Variants in FAM169A observed in about 807,000 individuals in gnomAD.
FAM169A encodes soluble lamin-associated protein of 75 kDa.
In FAM169A, 24 loss-of-function variants were observed where a neutral mutation model predicts 75.7. The observed-to-expected ratio is 0.32, with a 90% CI of 0.23 to 0.45. The LOEUF is 0.45. FAM169A is among the 20% of genes least tolerant of loss of function. The pLI is 1.00. For synonymous variants in FAM169A, 271 were observed against 271.0 expected (o/e 1.00, Z 0.00); for missense variants, 673 against 784.0 (o/e 0.86, Z 1.69).
chr5:74,841,590 A>T lies in FAM169A; in HGVS notation c.87T>A (p.Cys29Ter). ...SAEDYMSDLR[C>*]GDPENPECFS... ...AACACTCTGGATTTTCAGGGTCCCC[A>T]CACCTTAAATCTGACATGTAATCTT... The change falls in exon 2 of 13, where the codon TGT becomes TGA. Residue 29 changes from cysteine (C) to a stop codon, truncating the protein, a stop_gained. Transcript: ENST00000687041. LOFTEE classifies it high-confidence loss of function. 1.2e-6 allele frequency: 2 copies of T among 1,613,372 alleles called. No homozygotes were observed. Among genetic ancestry groups the T allele is most frequent in the Non-Finnish European group, 1.7e-6 (2 of 1,179,490 alleles).
chr5:74,847,549 G>C (rs559361058), intron 1 of FAM169A, among the ~76,000 whole-genome samples: 62 of 152,108 alleles, frequency 4.1e-4, no homozygotes, highest in South Asian at 8.3e-4. Context: ...AAAATATTAA[G>C]ACCTATGAAA....
chr5:74,856,372 G>A (rs1749705822), intron 1 of FAM169A, among the ~76,000 whole-genome samples: 1 of 151,890 alleles, frequency 6.6e-6, no homozygotes, highest in South Asian at 2.1e-4. Context: ...ATTGCTTTAG[G>A]TAATATGAAC....
intron 6 of FAM169A, among the ~76,000 whole-genome samples, chr5:74,807,623 T>C (rs1006348565): frequency 1.3e-5 from 2 of 152,320 alleles, no homozygotes; most frequent in African/African-American, 2.4e-5. Flanking sequence ...TAAACTAGGA[T>C]GACCGGACAC....
At chr5:74,785,643 T>G (rs1230603806) in intron 11 of FAM169A, among the ~76,000 whole-genome samples, 1 of 152,170 alleles carries the variant, frequency 6.6e-6, no homozygotes, top group Non-Finnish European at 1.5e-5. Flanking sequence ...ACATGCCTAA[T>G]TCAAGCTACT....
chr5:74,820,268 T>C (rs1390757702), intron 5 of FAM169A, among the ~76,000 whole-genome samples: 5 of 152,120 alleles, frequency 3.3e-5, no homozygotes, highest in Non-Finnish European at 7.4e-5. Flanking sequence ...AGTGTTGGGA[T>C]TACAGGCATT....
intron 11 of FAM169A, among the ~76,000 whole-genome samples, chr5:74,783,962 T>A (rs1264758895): frequency 1.3e-5 from 2 of 152,182 alleles, no homozygotes; most frequent in African/African-American, 2.4e-5. Context: ...TCACGGTTTT[T>A]AATTTTTCTA....
intron 1 of FAM169A, among the ~76,000 whole-genome samples, chr5:74,842,869 G>A (rs1748956420): frequency 6.6e-6 from 1 of 152,084 alleles, no homozygotes; most frequent in Non-Finnish European, 1.5e-5. Context: ...CATAATAACT[G>A]GGGTGGGAGT....
chr5:74,811,700 T>A (rs1380289905), intron 6 of FAM169A, among the ~76,000 whole-genome samples: 1 of 152,240 alleles, frequency 6.6e-6, no homozygotes, highest in African/African-American at 2.4e-5. Context: ...ATTGAGTAGT[T>A]GTATACCTTT....
At chr5:74,788,035 C>A (rs962647981) in intron 11 of FAM169A, among the ~76,000 whole-genome samples, 3 of 152,108 alleles carry the variant, frequency 2.0e-5, no homozygotes, top group African/African-American at 7.2e-5. Context: ...CCCAAGGAGA[C>A]CTCTGGCCTT....
intron 7 of FAM169A, 107 bp from the exon 8 acceptor site, chr5:74,804,712 G>GT (rs1746773879): frequency 3.5e-6 from 2 of 567,032 alleles, no homozygotes; most frequent in African/African-American, 3.8e-5. Context: ...TGGACAGAAG[G>GT]GTCACGAAAA....
At chr5:74,786,281 T>C (rs1745691380) in intron 11 of FAM169A, among the ~76,000 whole-genome samples, 1 of 152,182 alleles carries the variant, frequency 6.6e-6, no homozygotes, top group South Asian at 2.1e-4. Flanking sequence ...ACATCTGTCC[T>C]ATTAGTTCCA....
intron 10 of FAM169A, among the ~76,000 whole-genome samples, chr5:74,797,424 G>T (rs1203584701): frequency 6.6e-6 from 1 of 151,972 alleles, no homozygotes; most frequent in Non-Finnish European, 1.5e-5. Flanking sequence ...TGATCCACCT[G>T]CCTCGGCCTC....
intron 5 of FAM169A, among the ~76,000 whole-genome samples, chr5:74,820,454 C>T (rs1249987096): frequency 6.6e-6 from 1 of 152,116 alleles, no homozygotes; most frequent in Non-Finnish European, 1.5e-5. Context: ...CCTAGTTTAC[C>T]AATTTTTTAG....
At chr5:74,788,140 C>A (rs531859374) in intron 11 of FAM169A, among the ~76,000 whole-genome samples, 39 of 152,232 alleles carry the variant, frequency 2.6e-4, no homozygotes, top group African/African-American at 8.7e-4. Context: ...TTCCGGGGGA[C>A]CCAAAACGTC....
In FAM169A at chr5:74,800,940, C is replaced by T. The variant is rs1181663777; in HGVS notation, c.1043G>A (p.Ser348Asn). Residue 348 changes from serine (S) to asparagine (N), a missense_variant, in exon 10 of 13, where the codon AGC becomes AAC. Coordinates refer to ENST00000687041, the MANE Select transcript of FAM169A (RefSeq NM_001376049.1). Reference protein sequence around the residue: ...IGKRFQDSEFSSSQGEDEKTS... With the variant: ...IGKRFQDSEFNSSQGEDEKTS... ...CTTTTCATCTTCACCTTGAGAACTG[C>T]TAAATTCAGAATCCTGAAACCGCTT... 4 of 1,563,682 alleles carry T rather than the reference C, an allele frequency of 2.6e-6. No individual in the cohort carries two copies. In the African/African-American group the frequency reaches 5.5e-5, roughly 22 times the overall value.
At chr5:74,858,360 C>T (rs953380883) in intron 1 of FAM169A, among the ~76,000 whole-genome samples, 3 of 152,110 alleles carry the variant, frequency 2.0e-5, no homozygotes, top group Non-Finnish European at 4.4e-5. Flanking sequence ...TGCACTCCAG[C>T]CTGGGTGACA....
At chr5:74,843,762 T>C (rs920263013) in intron 1 of FAM169A, among the ~76,000 whole-genome samples, 3 of 152,246 alleles carry the variant, frequency 2.0e-5, no homozygotes, top group Non-Finnish European at 4.4e-5. Flanking sequence ...TTACCCATTA[T>C]ACTGCTGATG....
chr5:74,816,590 C>A (rs1747482953), intron 5 of FAM169A, among the ~76,000 whole-genome samples: 1 of 152,168 alleles, frequency 6.6e-6, no homozygotes, highest in Non-Finnish European at 1.5e-5. Flanking sequence ...ATTAATACTT[C>A]TGCTCTCCAG....
At chr5:74,855,247 A>G (rs1749649171) in intron 1 of FAM169A, among the ~76,000 whole-genome samples, 1 of 152,130 alleles carries the variant, frequency 6.6e-6, no homozygotes, top group Non-Finnish European at 1.5e-5. Context: ...CCAGGCTGGA[A>G]TGCGGTGGCA....
Sources: gnomAD v4.1 joint callset for allele counts (sites outside exome capture counted in the v4.1 genomes callset) on GRCh38, gnomAD v4.1.1 for gene constraint, MANE v1.5 for transcripts, NCBI Gene and HGNC (gene_info 2026-07-23, HGNC 2026-07-21) for gene names.